ITGBL1: variants seen among roughly 807,000 people sequenced by gnomAD.
The protein encoded by ITGBL1 is integrin beta-like protein 1.
A neutral mutation model predicts 68.5 loss-of-function variants in ITGBL1; 51 were observed. The ratio of observed to expected loss-of-function variants is 0.74; its 90% CI spans 0.59 to 0.94. The LOEUF (loss-of-function observed/expected upper bound fraction) is 0.94, where lower values mean the gene tolerates loss of function less well. Ranked by LOEUF, ITGBL1 falls within the 40% of genes least tolerant of loss-of-function variation. The probability of loss-of-function intolerance (pLI) is 0.00; values close to 1 mark genes in which losing one functional copy is unlikely to be tolerated. For missense variants in ITGBL1, 649 were observed against 647.4 expected, an observed-to-expected ratio of 1.00 and a Z score of -0.03; for synonymous variants, 209 against 227.3, an observed-to-expected ratio of 0.92 and a Z score of 0.72.
intron 2 of ITGBL1, 68 bp from the exon 3 acceptor site, chr13:101,567,631 T>C: frequency 2.1e-6 from 3 of 1,433,726 alleles, no homozygotes; most frequent in Non-Finnish European, 2.9e-6. Flanking sequence ...CTGTTAAGAG[T>C]ATGTGTTACA....
intron 2 of ITGBL1, among the ~76,000 whole-genome samples, chr13:101,503,801 G>A (rs1480334787): frequency 2.0e-5 from 3 of 152,182 alleles, no homozygotes; most frequent in Admixed American, 6.5e-5. Context: ...TAAGGATGAT[G>A]GACTAGATGA....
intron 2 of ITGBL1, among the ~76,000 whole-genome samples, chr13:101,516,202 G>T (rs2049192685): frequency 6.6e-6 from 1 of 152,054 alleles, no homozygotes; most frequent in African/African-American, 2.4e-5. Context: ...GTTTTGATAT[G>T]TGTTTTTAAA....
At chr13:101,535,763 CTT>C (rs960543402) in intron 2 of ITGBL1, among the ~76,000 whole-genome samples, 3 of 152,040 alleles carry the variant, frequency 2.0e-5, no homozygotes, top group African/African-American at 7.2e-5. Flanking sequence ...ATTCCAAAAA[CTT>C]TTGCGAAGAG....
chr13:101,592,233 A>G (rs1365289935), intron 6 of ITGBL1, among the ~76,000 whole-genome samples: 2 of 152,214 alleles, frequency 1.3e-5, no homozygotes, highest in South Asian at 4.1e-4. Flanking sequence ...ACACTAGGCT[A>G]ATCTTCAAGG....
chr13:101,663,508 T>C (rs2033138951), intron 7 of ITGBL1, among the ~76,000 whole-genome samples: 1 of 152,172 alleles, frequency 6.6e-6, no homozygotes, highest in Non-Finnish European at 1.5e-5. Flanking sequence ...TACCAACCAT[T>C]GATTCTTACT....
intron 7 of ITGBL1, among the ~76,000 whole-genome samples, chr13:101,610,843 G>A (rs554369519): frequency 6.6e-6 from 1 of 152,262 alleles, no homozygotes; most frequent in African/African-American, 2.4e-5. Flanking sequence ...AGAGGAAGAT[G>A]ACATTTGCTC....
At chr13:101,637,871 T>G (rs2032228633) in intron 7 of ITGBL1, among the ~76,000 whole-genome samples, 1 of 152,216 alleles carries the variant, frequency 6.6e-6, no homozygotes, top group Admixed American at 6.5e-5. Flanking sequence ...TGAGTTGATT[T>G]TGTGCAGTAA....
At chr13:101,468,645 C>T (rs141614328) in intron 2 of ITGBL1, among the ~76,000 whole-genome samples, 1 of 152,268 alleles carries the variant, frequency 6.6e-6, no homozygotes, top group East Asian at 1.9e-4. Flanking sequence ...ACTTTATTTA[C>T]ATTTAAAAAT....
chr13:101,642,321 G>A (rs1233423680), intron 7 of ITGBL1, among the ~76,000 whole-genome samples: 1 of 152,208 alleles, frequency 6.6e-6, no homozygotes, highest in African/African-American at 2.4e-5. Flanking sequence ...CAGTGATGGT[G>A]AGCATTTTTT....
intron 7 of ITGBL1, among the ~76,000 whole-genome samples, chr13:101,618,542 A>G (rs1429309639): frequency 1.3e-5 from 2 of 152,224 alleles, no homozygotes; most frequent in Admixed American, 6.6e-5. Flanking sequence ...CTCACAAACC[A>G]AAAAGGACAG....
downstream of ITGBL1, chr13:101,718,870 T>C (rs954588986): frequency 6.6e-6 from 1 of 151,568 alleles, no homozygotes; most frequent in Admixed American, 6.6e-5. Flanking sequence ...TTCAAGAGAG[T>C]CAACAGGCCC....
chr13:101,583,975 CA>C (rs547551933), intron 6 of ITGBL1, among the ~76,000 whole-genome samples: 62 of 152,186 alleles, frequency 4.1e-4, no homozygotes, highest in Non-Finnish European at 6.0e-4. Context: ...TGACAATGAA[CA>C]GGATAGTTAT....
chr13:101,644,868 G>A (rs1422997061), intron 7 of ITGBL1, among the ~76,000 whole-genome samples: 1 of 152,172 alleles, frequency 6.6e-6, no homozygotes, highest in African/African-American at 2.4e-5. Context: ...TCTAATTCAT[G>A]TAATACCTTA....
chr13:101,579,816 C>A (rs749922301), intron 5 of ITGBL1, among the ~76,000 whole-genome samples: 6 of 152,084 alleles, frequency 3.9e-5, no homozygotes, highest in Non-Finnish European at 5.9e-5. Context: ...ATTCAGAAAA[C>A]CCTCTTGTCT....
intron 7 of ITGBL1, among the ~76,000 whole-genome samples, chr13:101,682,893 A>G (rs890282567): frequency 6.6e-6 from 1 of 152,042 alleles, no homozygotes; most frequent in South Asian, 2.1e-4. Flanking sequence ...CCCAAGTGTT[A>G]TGAAAACTCT....
At chr13:101,679,271 C>T (rs1322647979) in intron 7 of ITGBL1, among the ~76,000 whole-genome samples, 1 of 152,202 alleles carries the variant, frequency 6.6e-6, no homozygotes, top group Non-Finnish European at 1.5e-5. Context: ...TTCACTGGTG[C>T]ATGACGTTGA....
intron 2 of ITGBL1, among the ~76,000 whole-genome samples, chr13:101,482,566 A>C (rs1227005374): frequency 6.6e-6 from 1 of 152,122 alleles, no homozygotes; most frequent in Non-Finnish European, 1.5e-5. Context: ...CATAGTATGA[A>C]ATGGAAAACA....
intron 7 of ITGBL1, among the ~76,000 whole-genome samples, chr13:101,675,475 G>A (rs1443076771): frequency 2.0e-5 from 3 of 152,194 alleles, no homozygotes; most frequent in East Asian, 1.9e-4. Context: ...TTCCAAGGGC[G>A]TCTTTCCTTG....
intron 7 of ITGBL1, among the ~76,000 whole-genome samples, chr13:101,653,698 C>CTTT (rs3063728): frequency 2.7e-5 from 4 of 150,288 alleles, no homozygotes; most frequent in South Asian, 2.1e-4. Context: ...GAGAAGGCTT[C>CTTT]TTTTTTTTTG....
Sources: allele counts gnomAD v4.1 joint callset (sites outside exome capture counted in the v4.1 genomes callset), GRCh38; gene constraint gnomAD v4.1.1; transcripts MANE v1.5; gene names NCBI Gene and HGNC (gene_info 2026-07-23, HGNC 2026-07-21).